DENND1A: variants seen among roughly 807,000 people sequenced by gnomAD.
The protein encoded by DENND1A is DENN domain containing 1A.
In DENND1A, 51 loss-of-function variants were observed where a neutral mutation model predicts 113.7. The ratio of observed to expected loss-of-function variants is 0.45; its 90% CI spans 0.36 to 0.57. The LOEUF (loss-of-function observed/expected upper bound fraction) is 0.57. DENND1A is among the 20% of genes least tolerant of loss of function. DENND1A has a pLI of 0.00. For synonymous variants in DENND1A, 565 were observed against 570.8 expected (o/e 0.99, Z 0.14); for missense variants, 1,258 against 1,395.9 (o/e 0.90, Z 1.57).
At chr9:123,451,588 C>T (rs1211237716) in intron 17 of DENND1A, among the ~76,000 whole-genome samples, 1 of 152,162 alleles carries the variant, frequency 6.6e-6, no homozygotes, top group Non-Finnish European at 1.5e-5. Flanking sequence ...CTTCAGGAAA[C>T]TGCAAAGGAG....
Position 123,907,050 on chromosome 9 carries a change from C to A in DENND1A, c.17+22839G>T, listed in dbSNP as rs200076312. Among the ~76,000 whole-genome samples the A allele has an allele frequency of 4.0e-5, 6 of 151,240 alleles. No individual in the cohort carries two copies. The East Asian group carries it at 1.2e-3, about 29-fold the overall frequency. ...TCATCCCTGGCATGCAAGGCTGGTTCAATATACGCAAATCAATAAATATAA... is the reference window on the plus strand; with the variant it reads ...TCATCCCTGGCATGCAAGGCTGGTTAAATATACGCAAATCAATAAATATAA... On this transcript the variant is annotated intron_variant, in intron 1 of 23. Transcript: ENST00000394215.
chr9:123,918,356 C>T (rs958165225), intron 1 of DENND1A, among the ~76,000 whole-genome samples: 3 of 151,692 alleles, frequency 2.0e-5, no homozygotes, highest in Non-Finnish European at 4.4e-5. Context: ...GGCGTGGCGG[C>T]GGGCGCCTGT....
intron 5 of DENND1A, among the ~76,000 whole-genome samples, chr9:123,723,357 G>A (rs374614902): frequency 3.3e-5 from 5 of 152,252 alleles, no homozygotes; most frequent in African/African-American, 9.6e-5. Flanking sequence ...GTGGACTTTC[G>A]AGTTAATGAT....
At chr9:123,418,531 G>A (rs868415255) in intron 19 of DENND1A, among the ~76,000 whole-genome samples, 26 of 152,348 alleles carry the variant, frequency 1.7e-4, no homozygotes, top group Middle Eastern at 3.4e-3. Flanking sequence ...GGATGAGTGG[G>A]CACCCCGCAC....
At chr9:123,870,518 T>C (rs1392946650) in intron 2 of DENND1A, among the ~76,000 whole-genome samples, 6 of 149,672 alleles carry the variant, frequency 4.0e-5, no homozygotes, top group African/African-American at 1.5e-4. Context: ...TTCACTGCAA[T>C]CTCTGCCTCC....
intron 7 of DENND1A, among the ~76,000 whole-genome samples, chr9:123,667,674 G>A (rs57554548): frequency 0.047 from 7,164 of 152,160 alleles, 542 homozygotes; most frequent in African/African-American, 0.16. Context: ...TGAAAAAGGC[G>A]TTGGTTTCAT....
At chr9:123,541,718 T>C (rs1412114872) in intron 13 of DENND1A, among the ~76,000 whole-genome samples, 2 of 152,178 alleles carry the variant, frequency 1.3e-5, no homozygotes, top group Non-Finnish European at 2.9e-5. Flanking sequence ...TGCTGGTGAA[T>C]TGGGCATTCA....
At chr9:123,482,676 C>A (rs16926527) in intron 13 of DENND1A, among the ~76,000 whole-genome samples, 1 of 152,314 alleles carries the variant, frequency 6.6e-6, no homozygotes, top group Non-Finnish European at 1.5e-5. Context: ...ACAATTACCC[C>A]CTGGGACAAT....
chr9:123,615,755 A>C (rs1429771482), intron 10 of DENND1A, among the ~76,000 whole-genome samples: 1 of 152,192 alleles, frequency 6.6e-6, no homozygotes, highest in African/African-American at 2.4e-5. Context: ...CTAGATTGTC[A>C]GTCACAAAAG....
intron 19 of DENND1A, among the ~76,000 whole-genome samples, chr9:123,430,101 T>C (rs1311198221): frequency 6.6e-6 from 1 of 152,148 alleles, no homozygotes; most frequent in Non-Finnish European, 1.5e-5. Context: ...TCAACATCAG[T>C]AGTCATTAGA....
chr9:123,920,061 T>C (rs1294365234), intron 1 of DENND1A, among the ~76,000 whole-genome samples: 1 of 152,214 alleles, frequency 6.6e-6, no homozygotes, highest in Non-Finnish European at 1.5e-5. Flanking sequence ...TATACTATTC[T>C]ACTTTTATAG....
chr9:123,716,819 C>T (rs1357161435), intron 5 of DENND1A, among the ~76,000 whole-genome samples: 6 of 152,152 alleles, frequency 3.9e-5, no homozygotes, highest in Non-Finnish European at 8.8e-5. Flanking sequence ...GTGAGTATCA[C>T]GTACATGCTT....
At chr9:123,727,018 C>T (rs899993205) in intron 5 of DENND1A, among the ~76,000 whole-genome samples, 2 of 152,180 alleles carry the variant, frequency 1.3e-5, no homozygotes, top group Non-Finnish European at 2.9e-5. Context: ...GACTCTGAAG[C>T]TCAGTGTTGT....
intron 18 of DENND1A, among the ~76,000 whole-genome samples, chr9:123,441,278 A>G (rs1382820512): frequency 6.6e-6 from 1 of 152,172 alleles, no homozygotes; most frequent in Non-Finnish European, 1.5e-5. Flanking sequence ...TGTTGCTTTA[A>G]TTTGCATTAC....
chr9:123,487,210 G>A (rs1281148557), intron 13 of DENND1A, among the ~76,000 whole-genome samples: 1 of 152,200 alleles, frequency 6.6e-6, no homozygotes, highest in Non-Finnish European at 1.5e-5. Context: ...AGACAAGTCC[G>A]GGATGTCTCA....
chr9:123,879,553 T>TACACACACAC (rs138124573), intron 1 of DENND1A, among the ~76,000 whole-genome samples: 12,530 of 150,028 alleles, frequency 0.084, 856 homozygotes, highest in African/African-American at 0.19. Flanking sequence ...AATAAAATTA[T>TACACACACAC]ACACACACAC....
intron 2 of DENND1A, 37 bp downstream of exon 2, chr9:123,878,914 A>C: frequency 6.2e-7 from 1 of 1,602,908 alleles, no homozygotes; most frequent in African/African-American, 1.3e-5. Flanking sequence ...TCAAACAATA[A>C]GTAACACACC....
intron 2 of DENND1A, among the ~76,000 whole-genome samples, chr9:123,845,162 G>A (rs557601520): frequency 6.6e-6 from 1 of 152,056 alleles, no homozygotes; most frequent in Non-Finnish European, 1.5e-5. Context: ...AGAGGTTGCA[G>A]TGAGTCAAGG....
chr9:123,626,763 A>G, intron 10 of DENND1A, among the ~76,000 whole-genome samples: 1 of 152,210 alleles, frequency 6.6e-6, no homozygotes, highest in East Asian at 1.9e-4. Flanking sequence ...GTTGAATCTG[A>G]GGAATGGGGC....
Sources: allele counts gnomAD v4.1 joint callset (sites outside exome capture counted in the v4.1 genomes callset), GRCh38; gene constraint gnomAD v4.1.1; transcripts MANE v1.5; gene names NCBI Gene and HGNC (gene_info 2026-07-23, HGNC 2026-07-21).